Variants in ABR observed in about 807,000 individuals in gnomAD.
ABR encodes ABR activator of RhoGEF and GTPase.
A neutral mutation model predicts 107.2 loss-of-function variants in ABR; 35 were observed. That is an observed-to-expected ratio of 0.33 (90% CI 0.25 to 0.43). The LOEUF is 0.43. ABR is among the 20% of genes least tolerant of loss of function. ABR has a pLI of 1.00. For missense variants in ABR, 815 were observed against 1,115.2 expected (o/e 0.73, Z 3.83); for synonymous variants, 498 against 462.0 (o/e 1.08, Z -1.00).
chr17:1,206,809 G>A (rs1422015558), intron 1 of ABR, among the ~76,000 whole-genome samples: 1 of 152,154 alleles, frequency 6.6e-6, no homozygotes, highest in African/African-American at 2.4e-5. Flanking sequence ...ATTAGGCTGG[G>A]CGCGGTGGCT....
chr17:1,144,023 G>C (rs937704929), intron 1 of ABR, among the ~76,000 whole-genome samples: 4 of 152,100 alleles, frequency 2.6e-5, no homozygotes, highest in Non-Finnish European at 4.4e-5. Context: ...GGAAAACTGA[G>C]GCTTCTGAGT....
At chr17:1,045,129 C>T (rs1001456033) in intron 16 of ABR, among the ~76,000 whole-genome samples, 3 of 152,184 alleles carry the variant, frequency 2.0e-5, no homozygotes, top group Admixed American at 6.5e-5. Context: ...TCGGAGGAGC[C>T]GGAGGAAGGA....
chr17:1,041,692 C>T (rs1597499204), intron 16 of ABR, among the ~76,000 whole-genome samples: 1 of 152,164 alleles, frequency 6.6e-6, no homozygotes, highest in East Asian at 1.9e-4. Context: ...AAGACTGCGC[C>T]ATTACACTCA....
Position 1,034,330 on chromosome 17 carries a change from A to G in ABR, c.1791+15720T>C, listed in dbSNP as rs76190271. ...CCTGGGGTGGGGGTTAAGGCATCAC[A>G]GAGACGAATCAAAAGTCAGTGCTTG... On this transcript the variant is annotated intron_variant, in intron 16 of 22. Transcript: ENST00000302538. 7.6e-4 allele frequency among the ~76,000 whole-genome samples: 115 copies of G among 152,280 alleles called. 2 individuals are homozygous for G. The East Asian group carries it at 0.021, about 28-fold the overall frequency.
intron 16 of ABR, among the ~76,000 whole-genome samples, chr17:1,043,598 G>A (rs55703954): frequency 0.086 from 13,160 of 152,222 alleles, 811 homozygotes; most frequent in Admixed American, 0.19. Context: ...GCAATCCTTA[G>A]CTCACTCTAG....
At chr17:1,024,845 C>T (rs554670951) in intron 16 of ABR, among the ~76,000 whole-genome samples, 68 of 151,374 alleles carry the variant, frequency 4.5e-4, no homozygotes, top group African/African-American at 1.6e-3. Context: ...TTAGGCCTGG[C>T]GCAGTGACTC....
chr17:1,102,181 C>T (rs1224930474), intron 2 of ABR, among the ~76,000 whole-genome samples: 1 of 152,176 alleles, frequency 6.6e-6, no homozygotes, highest in Non-Finnish European at 1.5e-5. Context: ...CAGTCTCCCC[C>T]ACACGCAGGA....
intron 16 of ABR, among the ~76,000 whole-genome samples, chr17:1,036,201 C>T (rs947888730): frequency 3.9e-5 from 6 of 152,150 alleles, no homozygotes; most frequent in Non-Finnish European, 8.8e-5. Context: ...CAAATGACTC[C>T]AGGAGAGGGG....
intron 2 of ABR, among the ~76,000 whole-genome samples, chr17:1,121,240 G>A (rs1027352324): frequency 2.6e-5 from 4 of 152,260 alleles, no homozygotes; most frequent in African/African-American, 9.6e-5. Flanking sequence ...TGGGGAGAGA[G>A]GAGCATGTCC....
upstream of ABR, among the ~76,000 whole-genome samples, chr17:1,187,934 G>C (rs1196081016): frequency 6.6e-6 from 1 of 151,678 alleles, no homozygotes; most frequent in East Asian, 1.9e-4. Context: ...TATCAAATTG[G>C]GCCGGGCACA....
At chr17:1,098,400 C>A (rs976430745) in intron 3 of ABR, among the ~76,000 whole-genome samples, 83 of 152,160 alleles carry the variant, frequency 5.5e-4, no homozygotes, top group African/African-American at 2.0e-3. Flanking sequence ...TTCAAACCCA[C>A]AACAGGTGTA....
At chr17:1,085,544 A>G (rs2036541227) in intron 4 of ABR, among the ~76,000 whole-genome samples, 1 of 152,202 alleles carries the variant, frequency 6.6e-6, no homozygotes, top group South Asian at 2.1e-4. Context: ...CAGTGTGGAT[A>G]GGCACAGCCC....
chr17:1,213,330 C>T (rs2042938282), intron 1 of ABR, among the ~76,000 whole-genome samples: 1 of 152,164 alleles, frequency 6.6e-6, no homozygotes, highest in Non-Finnish European at 1.5e-5. Context: ...GAAGACGTGG[C>T]CATAGTTTAG....
At position 1,078,878 on chromosome 17, in the gene ABR, G is replaced by A. The variant is rs546253676; in HGVS notation, c.700+452C>T. 61 of 1,535,496 alleles carry A rather than the reference G, an allele frequency of 4.0e-5. No individual in the cohort carries two copies. Among genetic ancestry groups the A allele is most frequent in the Admixed American group, 3.3e-4 (17 of 50,988 alleles). ...TCTCCATGGCAGCCTCTGTCCCCGC[G>A]GCGGGAGCGTGCAGCCATCGCTCCA... On this transcript the variant is annotated intron_variant, in intron 6 of 22. Coordinates refer to ENST00000302538, the MANE Select transcript of ABR (RefSeq NM_021962.5). The surrounding 1 kb of genome is among the most constrained non-coding windows in gnomAD (Gnocchi z 7.5).
chr17:1,044,034 C>G (rs566396270), intron 16 of ABR, among the ~76,000 whole-genome samples: 17 of 152,204 alleles, frequency 1.1e-4, no homozygotes, highest in Non-Finnish European at 2.4e-4. Context: ...CTCCTCAGGC[C>G]CAGCCCGCCA....
rs11477288 is a variant in ABR at position 1,029,102 on chromosome 17, CAA to C, written c.1792-15940_1792-15939del. On this transcript the variant is annotated intron_variant, in intron 16 of 22. Coordinates refer to ENST00000302538, the MANE Select transcript of ABR (RefSeq NM_021962.5). Reference sequence around the variant, plus strand: ...TGGTCTACTTGAGTGTGATTTGAGGCAAAAAAAAAAAAAAACAAACAGGGAAA... The same window carrying C: ...TGGTCTACTTGAGTGTGATTTGAGGCAAAAAAAAAAAAACAAACAGGGAAA... Among the ~76,000 whole-genome samples, 175 of 126,826 alleles carry C rather than the reference CAA, an allele frequency of 1.4e-3. 1 individual carries two copies. The highest frequency in any genetic ancestry group is 4.1e-3 in the Middle Eastern group (1 of 244). The allele number at this position is 126,826 out of a possible 152,430, so 83.2% of individuals were successfully genotyped here.
chr17:1,114,069 G>A (rs565710345), intron 2 of ABR, among the ~76,000 whole-genome samples: 1 of 151,952 alleles, frequency 6.6e-6, no homozygotes, highest in African/African-American at 2.4e-5. Flanking sequence ...TTCTTGGGAG[G>A]CTGAGGCAGG....
chr17:1,110,798 C>CTG (rs1160719388), intron 2 of ABR, among the ~76,000 whole-genome samples: 1 of 152,230 alleles, frequency 6.6e-6, no homozygotes, highest in Non-Finnish European at 1.5e-5. Flanking sequence ...GATCAGGGAA[C>CTG]TGTGCCACCA....
Position 1,027,389 on chromosome 17 carries a change from G to T in ABR, c.1792-14225C>A, listed in dbSNP as rs1161029654. On this transcript the variant is annotated intron_variant, in intron 16 of 22. Coordinates refer to ENST00000302538, the MANE Select transcript of ABR (RefSeq NM_021962.5). The surrounding 1 kb of genome is among the most constrained non-coding windows in gnomAD (Gnocchi z 4.7). The stretch of plus-strand genomic sequence containing the variant: ...GATGTCTGCAGCCCCCTCTGAAGTC[G>T]CACACAGTGTGTGCATGGGGTGGCT... 6.6e-6 allele frequency among the ~76,000 whole-genome samples: 1 copy of T among 152,202 alleles called. No homozygotes were observed. Among genetic ancestry groups the T allele is most frequent in the Admixed American group, 6.5e-5 (1 of 15,284 alleles).
Sources: gnomAD v4.1 joint callset for allele counts (sites outside exome capture counted in the v4.1 genomes callset) on GRCh38, gnomAD v4.1.1 for gene constraint, Gnocchi (gnomAD v3.1) non-coding constraint, MANE v1.5 for transcripts, NCBI Gene and HGNC (gene_info 2026-07-23, HGNC 2026-07-21) for gene names.